Variants in TSGA10 observed in about 807,000 individuals in gnomAD.
TSGA10 encodes the protein testis specific 10, also known as testis-specific gene 10 protein.
In TSGA10, 43 loss-of-function variants were observed where a neutral mutation model predicts 96.6. The ratio of observed to expected loss-of-function variants is 0.44; its 90% CI spans 0.35 to 0.57. The LOEUF is 0.57. Ranked by LOEUF, TSGA10 falls within the 20% of genes least tolerant of loss-of-function variation. The pLI is 0.01. For synonymous variants in TSGA10, 229 were observed against 269.9 expected (o/e 0.85, Z 1.48); for missense variants, 703 against 834.4 (o/e 0.84, Z 1.94).
chr2:99,073,114 C>A, intron 12 of TSGA10, 41 bp from the exon 13 acceptor site: 1 of 1,282,958 alleles, frequency 7.8e-7, no homozygotes, highest in South Asian at 1.3e-5. Flanking sequence ...AAATCTTAAG[C>A]TGTTATTTCT....
intron 9 of TSGA10, among the ~76,000 whole-genome samples, chr2:99,104,485 T>C (rs913986817): frequency 6.6e-6 from 1 of 152,184 alleles, no homozygotes; most frequent in Non-Finnish European, 1.5e-5. Flanking sequence ...GTAATTTTTT[T>C]TTTTTTTGAG....
intron 1 of TSGA10, among the ~76,000 whole-genome samples, chr2:99,152,781 G>C (rs1349642322): frequency 1.3e-5 from 2 of 152,200 alleles, no homozygotes; most frequent in Non-Finnish European, 2.9e-5. Context: ...GAAGCGGAAA[G>C]TGAGGAAGAA....
At chr2:99,071,685 T>A in intron 14 of TSGA10, 21 bp downstream of exon 14, 4 of 1,584,992 alleles carry the variant, frequency 2.5e-6, no homozygotes, top group Non-Finnish European at 3.4e-6. Context: ...TTGGAGAAAA[T>A]GATTCTAGGA....
At chr2:99,101,594 A>G (rs970400032) in intron 10 of TSGA10, among the ~76,000 whole-genome samples, 1 of 152,178 alleles carries the variant, frequency 6.6e-6, no homozygotes, top group African/African-American at 2.4e-5. Context: ...GTAAAAAGAA[A>G]TGAAGAAAGC....
Position 99,071,699 on chromosome 2 carries a change from A to G in TSGA10, c.1107+7T>C. 1 of 1,607,730 alleles carries G rather than the reference A, an allele frequency of 6.2e-7. No individual in the cohort carries two copies. ...CTTGGAGAAAATGATTCTAGGAACA[A>G]GTGTACCTGGTTTTCTTGTTTAGCT... On this transcript the variant is annotated splice_region_variant and intron_variant, in intron 14 of 20. Coordinates refer to ENST00000393483, the MANE Select transcript of TSGA10 (RefSeq NM_025244.4).
At chr2:99,007,955 G>A (rs1301028864) in intron 20 of TSGA10, among the ~76,000 whole-genome samples, 2 of 152,200 alleles carry the variant, frequency 1.3e-5, no homozygotes, top group Admixed American at 6.5e-5. Flanking sequence ...AGATCTGAAT[G>A]ACTGGGACAA....
chr2:99,049,395 C>A (rs2083153396), intron 16 of TSGA10, among the ~76,000 whole-genome samples: 2 of 152,116 alleles, frequency 1.3e-5, no homozygotes, highest in African/African-American at 4.8e-5. Context: ...GAATACTATG[C>A]AGCCATAAAA....
chr2:99,029,095 T>C (rs894054950), intron 17 of TSGA10, among the ~76,000 whole-genome samples: 1 of 152,148 alleles, frequency 6.6e-6, no homozygotes, highest in East Asian at 1.9e-4. Flanking sequence ...ATGTCTATAG[T>C]GGGAGAAAGT....
In TSGA10 at chr2:99,117,689, A is replaced by C. The variant is rs1384056167; in HGVS notation, c.-285T>G. On this transcript the variant is annotated 5_prime_UTR_variant, in exon 4 of 21. Coordinates refer to ENST00000393483, the MANE Select transcript of TSGA10 (RefSeq NM_025244.4). ...TAAATCATCTACTTGACTGCTTACC[A>C]CCTCCTTACTATCCAAGAGTTTCCT... 1.0e-6 allele frequency: 1 copy of C among 985,380 alleles called. No individual in the cohort carries two copies. Among genetic ancestry groups the C allele is most frequent in the Non-Finnish European group, 1.2e-6 (1 of 829,886 alleles). 61.0% of individuals were successfully genotyped at this position (985,380 alleles called of 1,614,324 possible).
chr2:99,120,041 T>C (rs2092488818), intron 2 of TSGA10, among the ~76,000 whole-genome samples: 1 of 152,138 alleles, frequency 6.6e-6, no homozygotes, highest in Non-Finnish European at 1.5e-5. Flanking sequence ...TAAAGCCTCT[T>C]ATATAAGTTT....
chr2:99,111,511 C>A (rs1482353338), intron 4 of TSGA10, among the ~76,000 whole-genome samples: 1 of 152,250 alleles, frequency 6.6e-6, no homozygotes, highest in African/African-American at 2.4e-5. Context: ...TTTTGCAATT[C>A]ATCAACCTTT....
intron 20 of TSGA10, among the ~76,000 whole-genome samples, chr2:99,017,300 T>C (rs550963082): frequency 1.1e-3 from 171 of 152,284 alleles, no homozygotes; most frequent in Middle Eastern, 3.4e-3. Context: ...GTGGTATAAA[T>C]ACACCAGGGA....
At chr2:99,118,464 A>C (rs898810434) in intron 3 of TSGA10, 87 bp downstream of exon 3, 2 of 539,674 alleles carry the variant, frequency 3.7e-6, no homozygotes, top group South Asian at 1.6e-4. Context: ...AAAAAAAAAA[A>C]AAAAGTATAT....
At position 99,113,697 on chromosome 2, in the gene TSGA10, C is replaced by G. The variant is rs139781095; in HGVS notation, c.-139-2782G>C. The stretch of plus-strand genomic sequence containing the variant: ...GGTAGCTGGGATTACAGGTGCCCAC[C>G]ACCATGCCCAGCTAGTTTTTTGTAT... On this transcript the variant is annotated intron_variant, in intron 4 of 20. Coordinates refer to ENST00000393483, the MANE Select transcript of TSGA10 (RefSeq NM_025244.4). Among the ~76,000 whole-genome samples the G allele has an allele frequency of 3.5e-3, 538 of 152,276 alleles. 4 individuals are homozygous for G. The highest frequency in any genetic ancestry group is 0.02 in the Middle Eastern group (6 of 294).
In TSGA10 at chr2:99,127,098, C is replaced by T; in HGVS notation, c.-542G>A. On this transcript the variant is annotated 5_prime_UTR_variant, in exon 2 of 21. Coordinates refer to ENST00000393483, the MANE Select transcript of TSGA10 (RefSeq NM_025244.4). ...CTATCTTGGTTTCTCACTTCTTGTTCTAGCTGGAGAGTATTCTGGTAGTTT... is the reference window on the plus strand; with the variant it reads ...CTATCTTGGTTTCTCACTTCTTGTTTTAGCTGGAGAGTATTCTGGTAGTTT... The T allele has an allele frequency of 1.6e-6, 2 of 1,289,596 alleles. No individual in the cohort carries two copies. Among genetic ancestry groups the T allele is most frequent in the Non-Finnish European group, 2.0e-6 (2 of 988,788 alleles). 79.9% of individuals were successfully genotyped at this position (1,289,596 alleles called of 1,614,324 possible).
At chr2:99,010,246 C>T (rs1470734388) in intron 20 of TSGA10, among the ~76,000 whole-genome samples, 3 of 152,116 alleles carry the variant, frequency 2.0e-5, no homozygotes, top group Admixed American at 6.5e-5. Flanking sequence ...ACAGGTCTAA[C>T]GTGCAGCTCC....
At chr2:99,135,669 T>C in intron 1 of TSGA10, among the ~76,000 whole-genome samples, 1 of 152,122 alleles carries the variant, frequency 6.6e-6, no homozygotes, top group Non-Finnish European at 1.5e-5. Flanking sequence ...CCTGGTTACT[T>C]CTCTGACTAT....
intron 1 of TSGA10, among the ~76,000 whole-genome samples, chr2:99,135,784 G>T (rs935558970): frequency 1.3e-5 from 2 of 152,110 alleles, no homozygotes; most frequent in Non-Finnish European, 1.5e-5. Flanking sequence ...TGAGGCGGGC[G>T]GATCACCTGA....
chr2:99,040,769 C>A (rs540238366), intron 16 of TSGA10, among the ~76,000 whole-genome samples: 2 of 151,152 alleles, frequency 1.3e-5, no homozygotes, highest in South Asian at 4.2e-4. Context: ...AAAAAAAAAA[C>A]CTAAACATCC....
Sources: gnomAD v4.1 joint callset for allele counts (sites outside exome capture counted in the v4.1 genomes callset) on GRCh38, gnomAD v4.1.1 for gene constraint, MANE v1.5 for transcripts, NCBI Gene and HGNC (gene_info 2026-07-23, HGNC 2026-07-21) for gene names.